The following TRHDE variants were observed in gnomAD, a reference collection of about 807,000 sequenced individuals.
TRHDE encodes thyrotropin-releasing hormone-degrading ectoenzyme.
A neutral mutation model predicts 125.7 loss-of-function variants in TRHDE; 72 were observed. That is an observed-to-expected ratio of 0.57 (90% confidence interval 0.47 to 0.70). The LOEUF (loss-of-function observed/expected upper bound fraction) is 0.70, where lower values mean the gene tolerates loss of function less well. Ranked by LOEUF, TRHDE falls within the 30% of genes least tolerant of loss-of-function variation. The pLI is 0.00. For synonymous variants in TRHDE, 509 were observed against 509.1 expected, an observed-to-expected ratio of 1.00 and a Z score of 0.00; for missense variants, 1,110 against 1,327.1, an observed-to-expected ratio of 0.84 and a Z score of 2.54.
At chr12:72,567,850 A>G (rs1324569121) in intron 9 of TRHDE, among the ~76,000 whole-genome samples, 1 of 152,100 alleles carries the variant, frequency 6.6e-6, no homozygotes, top group Non-Finnish European at 1.5e-5. Context: ...TACTGCATGT[A>G]TAAGTATAGG....
intron 5 of TRHDE, among the ~76,000 whole-genome samples, chr12:72,496,174 TTACA>T (rs1877907448): frequency 6.6e-6 from 1 of 152,200 alleles, no homozygotes; most frequent in African/African-American, 2.4e-5. Context: ...GTGTACACAC[TTACA>T]TACACATACA....
At chr12:72,471,152 A>G (rs1403200730) in intron 4 of TRHDE, among the ~76,000 whole-genome samples, 1 of 152,044 alleles carries the variant, frequency 6.6e-6, no homozygotes, top group Non-Finnish European at 1.5e-5. Flanking sequence ...TGCTGGGATT[A>G]CAGGCGTGAG....
chr12:72,486,509 T>C (rs552018780), intron 5 of TRHDE, among the ~76,000 whole-genome samples: 9 of 152,200 alleles, frequency 5.9e-5, no homozygotes, highest in Non-Finnish European at 1.3e-4. Context: ...TTCCACAAAT[T>C]CCTGCAGCCA....
At chr12:72,309,038 C>G (rs1183488415) in intron 2 of TRHDE, among the ~76,000 whole-genome samples, 1 of 151,994 alleles carries the variant, frequency 6.6e-6, no homozygotes, top group Non-Finnish European at 1.5e-5. Context: ...GGATGGCACC[C>G]TTTTAAAATG....
intron 2 of TRHDE, among the ~76,000 whole-genome samples, chr12:72,146,732 G>C (rs989196494): frequency 3.3e-5 from 5 of 152,204 alleles, no homozygotes; most frequent in African/African-American, 1.2e-4. Flanking sequence ...GTCCGCAGAC[G>C]GCTTCAGTGT....
chr12:72,414,509 T>G (rs183113115), intron 3 of TRHDE, among the ~76,000 whole-genome samples: 1 of 152,260 alleles, frequency 6.6e-6, no homozygotes, highest in East Asian at 1.9e-4. Flanking sequence ...GCAAAGAATT[T>G]CTCAATAACA....
chr12:72,146,644 C>T (rs1347488466), intron 2 of TRHDE, among the ~76,000 whole-genome samples: 2 of 152,082 alleles, frequency 1.3e-5, no homozygotes, highest in Non-Finnish European at 2.9e-5. Flanking sequence ...GAGGCCTCGG[C>T]AAGTGCTCCT....
chr12:72,401,751 G>A (rs1873051055), intron 3 of TRHDE, among the ~76,000 whole-genome samples: 1 of 152,130 alleles, frequency 6.6e-6, no homozygotes, highest in African/African-American at 2.4e-5. Flanking sequence ...TGAGCAAGGA[G>A]GAACCACGAC....
chr12:72,238,318 ATATACATATATATATACACAT>A (rs1878394598), intron 2 of TRHDE, among the ~76,000 whole-genome samples: 10 of 32,110 alleles, frequency 3.1e-4, no homozygotes, highest in African/African-American at 5.2e-4. Context: ...ATATATATAT[ATATACATATATATATACACAT>A]TATATATATA....
At chr12:72,658,172 C>G (rs940933909) in intron 18 of TRHDE, among the ~76,000 whole-genome samples, 2 of 152,044 alleles carry the variant, frequency 1.3e-5, no homozygotes, top group African/African-American at 4.8e-5. Flanking sequence ...AATTTGAAAG[C>G]CCCAGAACAT....
chr12:72,603,457 G>A (rs1872289216), intron 12 of TRHDE, among the ~76,000 whole-genome samples: 1 of 152,146 alleles, frequency 6.6e-6, no homozygotes, highest in Non-Finnish European at 1.5e-5. Context: ...CGAGCGCGGT[G>A]TCTCAAGCCT....
intron 2 of TRHDE, among the ~76,000 whole-genome samples, chr12:72,213,771 C>A (rs1949271883): frequency 6.6e-6 from 1 of 151,998 alleles, no homozygotes; most frequent in African/African-American, 2.4e-5. Flanking sequence ...TTCTGTGAGC[C>A]AATTAAAAGG....
intron 2 of TRHDE, among the ~76,000 whole-genome samples, chr12:72,125,584 G>T (rs1455287813): frequency 6.6e-6 from 1 of 151,940 alleles, no homozygotes; most frequent in Admixed American, 6.6e-5. Context: ...TCTATTCATT[G>T]TTCATACACT....
intron 2 of TRHDE, among the ~76,000 whole-genome samples, chr12:72,373,473 G>C (rs548246496): frequency 1.0e-3 from 153 of 152,242 alleles, no homozygotes; most frequent in African/African-American, 3.4e-3. Flanking sequence ...TGAAAAACTG[G>C]CTGTTTCATG....
intron 2 of TRHDE, among the ~76,000 whole-genome samples, chr12:72,237,900 G>T: frequency 6.6e-6 from 1 of 152,110 alleles, no homozygotes; most frequent in East Asian, 1.9e-4. Flanking sequence ...AGCACAAAGA[G>T]CTAGTGCAAA....
At chr12:72,140,754 C>T (rs1319044503) in intron 2 of TRHDE, among the ~76,000 whole-genome samples, 1 of 152,154 alleles carries the variant, frequency 6.6e-6, no homozygotes, top group Non-Finnish European at 1.5e-5. Flanking sequence ...TTCTCTGCTG[C>T]CCATTTTCCC....
chr12:72,649,979 C>T (rs1044429470), intron 15 of TRHDE, among the ~76,000 whole-genome samples: 3 of 152,038 alleles, frequency 2.0e-5, no homozygotes, highest in African/African-American at 4.8e-5. Context: ...GGAATGTTCT[C>T]AAAAAACTAA....
chr12:72,207,018 T>C (rs1339532736), intron 2 of TRHDE, among the ~76,000 whole-genome samples: 1 of 152,202 alleles, frequency 6.6e-6, no homozygotes, highest in African/African-American at 2.4e-5. Context: ...TTTAGTGTTA[T>C]ACACTAAGGT....
intron 7 of TRHDE, among the ~76,000 whole-genome samples, chr12:72,559,395 G>A (rs999011427): frequency 1.3e-5 from 2 of 152,134 alleles, no homozygotes; most frequent in Non-Finnish European, 2.9e-5. Flanking sequence ...AGTGAATGTT[G>A]GACCTTGTGT....
Sources: allele counts gnomAD v4.1 joint callset (sites outside exome capture counted in the v4.1 genomes callset), GRCh38; gene constraint gnomAD v4.1.1; transcripts MANE v1.5; gene names NCBI Gene and HGNC (gene_info 2026-07-23, HGNC 2026-07-21).